Variants in BCLAF3 observed in about 807,000 individuals in gnomAD.
BCLAF3 encodes BCLAF1 and THRAP3 family member 3, also known as transient octamer binding factor 1.
A neutral mutation model predicts 51.2 loss-of-function variants in BCLAF3; 24 were observed. That is an observed-to-expected ratio of 0.47 (90% CI 0.34 to 0.66). The LOEUF (loss-of-function observed/expected upper bound fraction) is 0.66. Ranked by LOEUF, BCLAF3 falls within the 30% of genes least tolerant of loss-of-function variation. The probability of loss-of-function intolerance (pLI) is 0.01; values close to 1 mark genes in which losing one functional copy is unlikely to be tolerated. For missense variants in BCLAF3, 465 were observed against 525.1 expected, an observed-to-expected ratio of 0.89 and a Z score of 1.12; for synonymous variants, 152 against 176.6, an observed-to-expected ratio of 0.86 and a Z score of 1.10.
chrX:19,934,595 C>T (rs1308931118), intron 10 of BCLAF3, among the ~76,000 whole-genome samples: 1 of 112,299 alleles, frequency 8.9e-6, no homozygotes, highest in Non-Finnish European at 1.9e-5. Context: ...AATCTTTCGA[C>T]ATCTATAAAT....
intron 1 of BCLAF3, among the ~76,000 whole-genome samples, chrX:19,974,805 C>T (rs899826616): frequency 3.6e-5 from 4 of 110,818 alleles, no homozygotes; most frequent in Non-Finnish European, 7.6e-5. Context: ...TCGCTTGAAC[C>T]CGGGGGGCGG....
At chrX:19,946,498 A>G (rs902041857) in intron 8 of BCLAF3, among the ~76,000 whole-genome samples, 2 of 110,994 alleles carry the variant, frequency 1.8e-5, no homozygotes, top group Non-Finnish European at 3.8e-5. Context: ...TTCACTTGAG[A>G]AGGAAATACT....
chrX:19,914,233 T>C lies in BCLAF3; in HGVS notation c.*3072A>G, dbSNP rs916233101. ...CTTGACTCTCCTCCACGTGGCCTGG[T>C]CACCTCGTCAGTGCCTTTGTCCATA... On this transcript the variant is annotated 3_prime_UTR_variant, in exon 12 of 12. Transcript: ENST00000379682. 9.0e-6 allele frequency: 1 copy of C among 111,585 alleles called. No individual in the cohort carries two copies. The highest frequency in any genetic ancestry group is 1.9e-5 in the Non-Finnish European group (1 of 53,185). The allele number at this position is 111,585 out of a possible 1,213,427, so 9.2% of individuals were successfully genotyped here. A position where few individuals can be genotyped will look rare whatever the true frequency, so the allele number is the denominator to read the frequency against.
chrX:19,976,493 C>A (rs1444884038), intron 1 of BCLAF3, among the ~76,000 whole-genome samples: 1 of 111,102 alleles, frequency 9.0e-6, no homozygotes, highest in Non-Finnish European at 1.9e-5. Flanking sequence ...CGGGTTCCAG[C>A]GATTCTCCTG....
At chrX:19,958,260 C>T (rs1441576244) in intron 4 of BCLAF3, among the ~76,000 whole-genome samples, 2 of 111,638 alleles carry the variant, frequency 1.8e-5, no homozygotes, top group African/African-American at 6.5e-5. Flanking sequence ...TACATTAAAC[C>T]TTAATTTCCT....
Position 19,929,949 on chromosome X carries a change from GA to G in BCLAF3, c.1951-10del, listed in dbSNP as rs761549140. ...CCACCTCTAAAGTTGCTCTGTGAAG[GA>G]AAAAAAAGGAATTAAATGCTAAAAC... On this transcript the variant is annotated splice_polypyrimidine_tract_variant and intron_variant, in intron 10 of 11. Transcript: ENST00000379682. 8.4e-7 allele frequency: 1 copy of G among 1,188,678 alleles called. No homozygotes were observed. The highest frequency in any genetic ancestry group is 1.8e-5 in the African/African-American group (1 of 55,764).
intron 4 of BCLAF3, among the ~76,000 whole-genome samples, chrX:19,960,786 CCATCCCCCACCT>C (rs2071825315): frequency 9.0e-6 from 1 of 111,557 alleles, no homozygotes; most frequent in East Asian, 2.8e-4. Context: ...CCTCTGGGGC[CCATCCCCCACCT>C]CATCCCCTTT....
At chrX:19,959,728 T>A (rs1379626635) in intron 4 of BCLAF3, among the ~76,000 whole-genome samples, 2 of 110,700 alleles carry the variant, frequency 1.8e-5, no homozygotes, top group African/African-American at 6.6e-5. Flanking sequence ...CAGTGAGCCG[T>A]GATCACACCA....
At chrX:19,939,341 A>AT (rs1459165254) in intron 8 of BCLAF3, among the ~76,000 whole-genome samples, 2 of 112,079 alleles carry the variant, frequency 1.8e-5, no homozygotes, top group African/African-American at 6.5e-5. Context: ...AAAGCAATGG[A>AT]TTTTTTAAAA....
At chrX:19,976,021 C>T (rs942216039) in intron 1 of BCLAF3, among the ~76,000 whole-genome samples, 2 of 111,700 alleles carry the variant, frequency 1.8e-5, no homozygotes, top group Non-Finnish European at 3.8e-5. Flanking sequence ...AGTCTCATGC[C>T]TTTAAATATC....
chrX:19,980,853 C>T (rs557498063), intron 1 of BCLAF3, among the ~76,000 whole-genome samples: 39 of 108,438 alleles, frequency 3.6e-4, no homozygotes, highest in Middle Eastern at 4.6e-3. Flanking sequence ...ACACGAGAAT[C>T]GCTTGAACCC....
At chrX:19,984,095 A>AAAAAAAC in intron 1 of BCLAF3, among the ~76,000 whole-genome samples, 1 of 107,643 alleles carries the variant, frequency 9.3e-6, no homozygotes, top group African/African-American at 3.4e-5. Context: ...AAAAAAAAAA[A>AAAAAAAC]AAGACTAGGA....
intron 4 of BCLAF3, among the ~76,000 whole-genome samples, chrX:19,960,702 T>C (rs528654126): frequency 9.0e-6 from 1 of 111,227 alleles, no homozygotes. Flanking sequence ...CTTCCTTCAA[T>C]CTCAGTTATG....
At chrX:19,944,770 G>A (rs1288995804) in intron 8 of BCLAF3, among the ~76,000 whole-genome samples, 7 of 80,348 alleles carry the variant, frequency 8.7e-5, no homozygotes, top group African/African-American at 1.3e-4. Flanking sequence ...TGCTCTTCTC[G>A]AGGAGTATCT....
At chrX:19,940,501 A>G (rs1366245256) in intron 8 of BCLAF3, among the ~76,000 whole-genome samples, 2 of 110,311 alleles carry the variant, frequency 1.8e-5, no homozygotes, top group African/African-American at 6.6e-5. Context: ...ATTCCCACCT[A>G]TGAGTGAGAA....
chrX:19,977,649 T>A (rs758824366), intron 1 of BCLAF3, among the ~76,000 whole-genome samples: 5 of 112,773 alleles, frequency 4.4e-5, no homozygotes, highest in Non-Finnish European at 7.5e-5. Flanking sequence ...CAGCAAGTGC[T>A]GACGGAGAAG....
At chrX:19,976,532 A>G (rs996560435) in intron 1 of BCLAF3, among the ~76,000 whole-genome samples, 6 of 111,208 alleles carry the variant, frequency 5.4e-5, no homozygotes, top group African/African-American at 2.0e-4. Context: ...CTGGGATTAC[A>G]GGCATGCGCC....
chrX:19,984,678 C>G (rs1339582490), intron 1 of BCLAF3, among the ~76,000 whole-genome samples: 1 of 111,097 alleles, frequency 9.0e-6, no homozygotes, highest in Non-Finnish European at 1.9e-5. Flanking sequence ...TATTTTAGAA[C>G]TAAAATTATA....
intron 1 of BCLAF3, among the ~76,000 whole-genome samples, chrX:19,988,563 G>A (rs768844988): frequency 9.9e-4 from 111 of 111,784 alleles, no homozygotes; most frequent in African/African-American, 3.5e-3. Flanking sequence ...CTCGAGCTCA[G>A]GAGTTTGAGA....
Sources: gnomAD v4.1 joint callset for allele counts (sites outside exome capture counted in the v4.1 genomes callset) on GRCh38, gnomAD v4.1.1 for gene constraint, MANE v1.5 for transcripts, NCBI Gene and HGNC (gene_info 2026-07-23, HGNC 2026-07-21) for gene names.